STARD13: variants seen among roughly 807,000 people sequenced by gnomAD.
STARD13 encodes the protein StAR related lipid transfer domain containing 13, also known as stAR-related lipid transfer protein 13.
Under a neutral mutation model 106.4 loss-of-function variants are expected in STARD13, and 62 were observed. That is an observed-to-expected ratio of 0.58 (90% CI 0.48 to 0.72). STARD13 has a LOEUF of 0.72. Ranked by LOEUF, STARD13 falls within the 30% of genes least tolerant of loss-of-function variation. STARD13 has a pLI of 0.00. For missense variants in STARD13, 1,387 were observed against 1,424.0 expected (o/e 0.97, Z 0.42); for synonymous variants, 565 against 553.0 (o/e 1.02, Z -0.31).
At chr13:33,158,797 A>G (rs149331632) in intron 3 of STARD13, 15 of 152,104 alleles carry the variant, frequency 9.9e-5, no homozygotes, top group African/African-American at 3.4e-4. Context: ...TGCTTTTGCA[A>G]AGCTGGAAAT....
rs914833516 is a variant in STARD13 at position 33,284,169 on chromosome 13, G to T, written c.169+1301C>A. ...TATTCAATCAAGACCTGGACACAGA[G>T]TTTATGCAATGACATAATATCCTTC... On this transcript the variant is annotated intron_variant, in intron 1 of 13. Transcript: ENST00000336934. Among the ~76,000 whole-genome samples the T allele has an allele frequency of 2.0e-5, 3 of 152,166 alleles. No homozygotes were observed. The East Asian group carries it at 5.8e-4, about 29-fold the overall frequency.
At chr13:33,410,303 A>G in the STARD13 span, among the ~76,000 whole-genome samples, 1 of 152,214 alleles carries the variant, frequency 6.6e-6, no homozygotes, top group Non-Finnish European at 1.5e-5. Context: ...ACATAAGTGG[A>G]AGCAGAAGCA....
chr13:33,529,670 C>T, the STARD13 span, among the ~76,000 whole-genome samples: 2,289 of 152,084 alleles, frequency 0.015, 55 homozygotes, highest in African/African-American at 0.051. Context: ...TATGGGAAAA[C>T]AGACAAAAAA....
chr13:33,573,033 T>A, the STARD13 span, among the ~76,000 whole-genome samples: 2 of 152,184 alleles, frequency 1.3e-5, no homozygotes, highest in Admixed American at 6.6e-5. Flanking sequence ...TAAGAAATCA[T>A]GGCTTGGTGG....
the STARD13 span, among the ~76,000 whole-genome samples, chr13:33,387,094 C>A: frequency 1.3e-5 from 2 of 152,284 alleles, no homozygotes; most frequent in South Asian, 4.2e-4. Flanking sequence ...CAGCCTTGAA[C>A]TCCTGGGCTC....
chr13:33,254,710 G>A (rs921257627), intron 1 of STARD13, among the ~76,000 whole-genome samples: 4 of 152,208 alleles, frequency 2.6e-5, no homozygotes, highest in Non-Finnish European at 5.9e-5. Context: ...CAGAGAAAGA[G>A]AGAAGAGGAG....
chr13:33,490,255 T>C, the STARD13 span, among the ~76,000 whole-genome samples: 2 of 152,174 alleles, frequency 1.3e-5, no homozygotes, highest in South Asian at 4.1e-4. Context: ...TATACTGATA[T>C]GGACAGGAGA....
chr13:33,342,546 T>G (rs978680514), intron 1 of STARD13, among the ~76,000 whole-genome samples: 1 of 151,746 alleles, frequency 6.6e-6, no homozygotes, highest in African/African-American at 2.4e-5. Flanking sequence ...TTTTTTTTTT[T>G]AAGACATGGG....
the STARD13 span, among the ~76,000 whole-genome samples, chr13:33,648,329 C>T: frequency 6.6e-6 from 1 of 152,240 alleles, no homozygotes; most frequent in African/African-American, 2.4e-5. Context: ...ATCCATGTCT[C>T]TCACACTCTG....
At chr13:33,637,836 C>G in the STARD13 span, among the ~76,000 whole-genome samples, 1 of 152,132 alleles carries the variant, frequency 6.6e-6, no homozygotes, top group African/African-American at 2.4e-5. Context: ...TAATTAAAAA[C>G]AGGAGTTAAA....
the STARD13 span, among the ~76,000 whole-genome samples, chr13:33,628,160 C>CAA: frequency 7.0e-6 from 1 of 142,784 alleles, no homozygotes; most frequent in Non-Finnish European, 1.5e-5. Context: ...CACACACACA[C>CAA]ACACACACAC....
rs545637647 is a variant in STARD13 at position 33,145,794 on chromosome 13, T to A, written c.324-3421A>T. ...AGCATACACTACAGGATTCCACTCA[T>A]CAAAAAAATTTCAGGCAAGGCAAAA... is the stretch of plus-strand genomic sequence containing the variant. On this transcript the variant is annotated intron_variant, in intron 3 of 13. Coordinates refer to ENST00000336934, the MANE Select transcript of STARD13 (RefSeq NM_178006.4). Among the ~76,000 whole-genome samples, 6 of 152,192 alleles carry A rather than the reference T, an allele frequency of 3.9e-5. No individual in the cohort carries two copies. The East Asian group carries it at 1.2e-3, about 29-fold the overall frequency.
chr13:33,120,622 TTC>T (rs2138114886), intron 7 of STARD13, among the ~76,000 whole-genome samples: 1 of 152,362 alleles, frequency 6.6e-6, no homozygotes, highest in Admixed American at 6.5e-5. Flanking sequence ...CAGGAAAATT[TTC>T]TTTCATAAAC....
intron 1 of STARD13, among the ~76,000 whole-genome samples, chr13:33,167,848 T>C (rs1883508542): frequency 1.3e-5 from 2 of 152,042 alleles, no homozygotes; most frequent in Non-Finnish European, 2.9e-5. Context: ...TGTAGATCCA[T>C]AAGTATGTGG....
At chr13:33,596,367 A>T in the STARD13 span, among the ~76,000 whole-genome samples, 2 of 152,160 alleles carry the variant, frequency 1.3e-5, no homozygotes, top group Non-Finnish European at 2.9e-5. Context: ...TACCCACAAT[A>T]TATATGGTAT....
chr13:33,594,836 C>G, the STARD13 span, among the ~76,000 whole-genome samples: 2 of 152,196 alleles, frequency 1.3e-5, no homozygotes, highest in African/African-American at 4.8e-5. Context: ...TGGCATATGT[C>G]TGAATTTCCT....
At chr13:33,406,870 C>A in the STARD13 span, among the ~76,000 whole-genome samples, 1 of 152,018 alleles carries the variant, frequency 6.6e-6, no homozygotes, top group Non-Finnish European at 1.5e-5. Context: ...CATCACTGCT[C>A]TGGGCCTGTC....
chr13:33,306,813 G>C (rs1428634698), intron 1 of STARD13, among the ~76,000 whole-genome samples: 2 of 152,152 alleles, frequency 1.3e-5, no homozygotes, highest in Non-Finnish European at 2.9e-5. Context: ...AGCCAGGAGT[G>C]GTGGTACATG....
chr13:33,377,516 T>C, the STARD13 span, among the ~76,000 whole-genome samples: 1 of 152,158 alleles, frequency 6.6e-6, no homozygotes, highest in Admixed American at 6.6e-5. Context: ...CTTTGCATGA[T>C]GACAGAAAAA....
Sources: gnomAD v4.1 joint callset for allele counts (sites outside exome capture counted in the v4.1 genomes callset) on GRCh38, gnomAD v4.1.1 for gene constraint, MANE v1.5 for transcripts, NCBI Gene and HGNC (gene_info 2026-07-23, HGNC 2026-07-21) for gene names.